KCNB2: variants seen among roughly 807,000 people sequenced by gnomAD.
KCNB2 encodes potassium voltage-gated channel subfamily B member 2, also known as delayed rectifier potassium channel protein.
Under a neutral mutation model 61.5 loss-of-function variants are expected in KCNB2, and 15 were observed. The ratio of observed to expected loss-of-function variants is 0.24; its 90% CI spans 0.16 to 0.38. The LOEUF is 0.38. Ranked by LOEUF, KCNB2 falls within the 10% of genes least tolerant of loss-of-function variation. The pLI is 1.00. For missense variants in KCNB2, 828 were observed against 1,125.2 expected (o/e 0.74, Z 3.78); for synonymous variants, 457 against 446.0 (o/e 1.02, Z -0.31).
rs1168697035 is a variant in KCNB2 at position 72,821,654 on chromosome 8, A to C, written c.580-114281A>C. Among the ~76,000 whole-genome samples the C allele has an allele frequency of 8.7e-5, 13 of 150,098 alleles. 1 individual carries two copies. Among genetic ancestry groups the C allele is most frequent in the African/African-American group, 3.2e-4 (13 of 40,610 alleles). On this transcript the variant is annotated intron_variant, in intron 2 of 2. Transcript: ENST00000523207. Reference sequence around the variant, plus strand: ...CACAAAAAAAAACAAAAAAAAAAAAAAAAAAACACACACACACCAAGCCCC... The same window carrying C: ...CACAAAAAAAAACAAAAAAAAAAAACAAAAAACACACACACACCAAGCCCC...
intron 2 of KCNB2, among the ~76,000 whole-genome samples, chr8:72,892,080 C>G (rs776602837): frequency 1.3e-5 from 2 of 152,116 alleles, no homozygotes; most frequent in East Asian, 1.9e-4. Context: ...CAGTTTTGCT[C>G]CATTTCATTG....
chr8:72,838,725 G>T (rs1046496953), intron 2 of KCNB2, among the ~76,000 whole-genome samples: 5 of 152,116 alleles, frequency 3.3e-5, no homozygotes, highest in Non-Finnish European at 7.4e-5. Context: ...GTATATACAG[G>T]TCTATGTGTG....
intron 2 of KCNB2, among the ~76,000 whole-genome samples, chr8:72,666,003 G>A (rs565996531): frequency 1.6e-4 from 25 of 151,994 alleles, no homozygotes; most frequent in Admixed American, 5.2e-4. Context: ...AGGGTTTAGC[G>A]TCCCTTCTTT....
chr8:72,580,507 C>T (rs1806873573), intron 2 of KCNB2, among the ~76,000 whole-genome samples: 1 of 152,148 alleles, frequency 6.6e-6, no homozygotes, highest in Admixed American at 6.6e-5. Flanking sequence ...CACTTAAAAT[C>T]ATCTTATACC....
intron 2 of KCNB2, among the ~76,000 whole-genome samples, chr8:72,769,713 C>G (rs1808530222): frequency 6.6e-6 from 1 of 152,086 alleles, no homozygotes; most frequent in African/African-American, 2.4e-5. Flanking sequence ...AGTTTAGGCC[C>G]CATTCTATGG....
intron 2 of KCNB2, among the ~76,000 whole-genome samples, chr8:72,716,850 T>C (rs985640131): frequency 3.9e-5 from 6 of 152,140 alleles, no homozygotes; most frequent in African/African-American, 1.2e-4. Context: ...GGGCATTCAA[T>C]TAGAAAAAGA....
intron 2 of KCNB2, among the ~76,000 whole-genome samples, chr8:72,599,750 T>G (rs553710071): frequency 4.8e-4 from 73 of 151,282 alleles, no homozygotes; most frequent in East Asian, 1.2e-3. Flanking sequence ...AAATTTACAA[T>G]AAAAAAACAA....
intron 2 of KCNB2, among the ~76,000 whole-genome samples, chr8:72,843,113 C>G (rs1490195245): frequency 6.6e-6 from 1 of 152,130 alleles, no homozygotes; most frequent in African/African-American, 2.4e-5. Context: ...TTAGCTGTGT[C>G]CCAGAGATTC....
intron 2 of KCNB2, among the ~76,000 whole-genome samples, chr8:72,586,040 C>T (rs1288113569): frequency 1.3e-5 from 2 of 152,168 alleles, no homozygotes; most frequent in Admixed American, 6.5e-5. Context: ...CACCAGCATT[C>T]CTAAAAAATG....
At chr8:72,744,728 C>G (rs538194674) in intron 2 of KCNB2, among the ~76,000 whole-genome samples, 22 of 152,110 alleles carry the variant, frequency 1.4e-4, no homozygotes, top group African/African-American at 5.1e-4. Flanking sequence ...GCCGAGCATC[C>G]CAGAGAGAAA....
intron 2 of KCNB2, among the ~76,000 whole-genome samples, chr8:72,622,046 G>A (rs560094763): frequency 8.6e-5 from 13 of 151,982 alleles, no homozygotes; most frequent in Non-Finnish European, 1.8e-4. Context: ...TTAAAAAATC[G>A]TTTTGTCAAT....
At chr8:72,585,892 A>G (rs1439807797) in intron 2 of KCNB2, among the ~76,000 whole-genome samples, 1 of 152,250 alleles carries the variant, frequency 6.6e-6, no homozygotes, top group Admixed American at 6.5e-5. Context: ...TTTCAAAAGA[A>G]AAAGGAAACT....
intron 2 of KCNB2, among the ~76,000 whole-genome samples, chr8:72,642,602 G>A (rs1806074166): frequency 6.6e-6 from 1 of 152,056 alleles, no homozygotes; most frequent in South Asian, 2.1e-4. Context: ...TTGGAGGCAG[G>A]ATAGTTGCAA....
intron 2 of KCNB2, among the ~76,000 whole-genome samples, chr8:72,698,721 C>T (rs1352173566): frequency 6.6e-6 from 1 of 152,088 alleles, no homozygotes; most frequent in African/African-American, 2.4e-5. Flanking sequence ...ACACCTACAG[C>T]CATCTGATCT....
intron 2 of KCNB2, among the ~76,000 whole-genome samples, chr8:72,626,872 A>G (rs1805798725): frequency 6.6e-6 from 1 of 152,214 alleles, no homozygotes; most frequent in South Asian, 2.1e-4. Flanking sequence ...AAGAGCCTTG[A>G]AAAACTCTTT....
In KCNB2 at chr8:72,683,183, A is replaced by G. The variant is rs938411354; in HGVS notation, c.579+114870A>G. ...AATATGACGTAAACAGCAGGGATGT[A>G]AAAGACACAAGTAGCTATCACCATT... On this transcript the variant is annotated intron_variant, in intron 2 of 2. Coordinates refer to ENST00000523207, the MANE Select transcript of KCNB2 (RefSeq NM_004770.3). Among the ~76,000 whole-genome samples, 10 of 152,342 alleles carry G rather than the reference A, an allele frequency of 6.6e-5. No individual in the cohort carries two copies. In the South Asian group the frequency reaches 2.1e-3, roughly 32 times the overall value.
chr8:72,634,207 G>A (rs1805930834), intron 2 of KCNB2, among the ~76,000 whole-genome samples: 1 of 152,170 alleles, frequency 6.6e-6, no homozygotes, highest in Admixed American at 6.5e-5. Flanking sequence ...ATGCTAGATA[G>A]CTAATAACTA....
chr8:72,776,923 C>T (rs1234684434), intron 2 of KCNB2, among the ~76,000 whole-genome samples: 1 of 152,078 alleles, frequency 6.6e-6, no homozygotes, highest in African/African-American at 2.4e-5. Context: ...GAGGTTCCTT[C>T]CAGTTTGACA....
chr8:72,563,226 G>A (rs1466411924), intron 1 of KCNB2, among the ~76,000 whole-genome samples: 1 of 152,192 alleles, frequency 6.6e-6, no homozygotes, highest in Non-Finnish European at 1.5e-5. Flanking sequence ...GCATAGGGAG[G>A]TAAAAGGGGC....
Sources: gnomAD v4.1 joint callset for allele counts (sites outside exome capture counted in the v4.1 genomes callset) on GRCh38, gnomAD v4.1.1 for gene constraint, MANE v1.5 for transcripts, NCBI Gene and HGNC (gene_info 2026-07-23, HGNC 2026-07-21) for gene names.